ADAR: variants seen among roughly 807,000 people sequenced by gnomAD.
ADAR encodes adenosine deaminase RNA specific, also known as double-stranded RNA-specific adenosine deaminase.
A neutral mutation model predicts 113.2 loss-of-function variants in ADAR; 41 were observed. That is an observed-to-expected ratio of 0.36 (90% CI 0.28 to 0.47). ADAR has a LOEUF of 0.47. Ranked by LOEUF, ADAR falls within the 20% of genes least tolerant of loss-of-function variation. ADAR has a pLI of 1.00. For missense variants in ADAR, 1,242 were observed against 1,540.9 expected (o/e 0.81, Z 3.25); for synonymous variants, 605 against 572.6 (o/e 1.06, Z -0.81).
chr1:154,594,867 A>G (rs1697392246), intron 6 of ADAR, among the ~76,000 whole-genome samples: 1 of 151,258 alleles, frequency 6.6e-6, no homozygotes, highest in Non-Finnish European at 1.5e-5. Flanking sequence ...CGTATAAAAC[A>G]GAAGATATAC....
intron 1 of ADAR, among the ~76,000 whole-genome samples, chr1:154,621,148 A>G (rs1698781784): frequency 6.6e-6 from 1 of 152,224 alleles, no homozygotes; most frequent in Admixed American, 6.5e-5. Flanking sequence ...AGTAATATAA[A>G]CATCCTTAAA....
At chr1:154,587,614 T>C (rs1696852877) in intron 11 of ADAR, among the ~76,000 whole-genome samples, 1 of 152,060 alleles carries the variant, frequency 6.6e-6, no homozygotes, top group South Asian at 2.1e-4. Flanking sequence ...CTGAACGCAA[T>C]GGAGTGGATG....
At chr1:154,621,730 G>C (rs928382341) in intron 1 of ADAR, among the ~76,000 whole-genome samples, 4 of 152,168 alleles carry the variant, frequency 2.6e-5, no homozygotes, top group African/African-American at 9.7e-5. Flanking sequence ...GGGTGAGGGA[G>C]AGGCACAGTA....
chr1:154,588,203 T>C lies in ADAR; in HGVS notation c.2941A>G (p.Met981Val), dbSNP rs1284803985. ...LFDKSCSDRA[M>V]ESTESRHYPV... The stretch of plus-strand genomic sequence containing the variant: ...TAGTGGCGGGATTCTGTGCTTTCCA[T>C]AGCACGGTCGCTGCAGGACTTGTCA... Residue 981 changes from methionine to valine, a missense_variant, in exon 11 of 15, where the codon ATG (methionine) becomes GTG (valine). Met to Val is a conservative substitution (Grantham distance 21). Transcript: ENST00000368474. The C allele has an allele frequency of 2.5e-6, 4 of 1,613,852 alleles. No homozygotes were observed. Among genetic ancestry groups the C allele is most frequent in the African/African-American group, 1.3e-5 (1 of 74,908 alleles).
intron 1 of ADAR, among the ~76,000 whole-genome samples, chr1:154,618,882 G>A (rs1001173847): frequency 1.3e-5 from 2 of 152,212 alleles, no homozygotes; most frequent in Admixed American, 6.5e-5. Context: ...GTCCGAGGCA[G>A]GTGGATCACC....
At position 154,602,465 on chromosome 1, in the gene ADAR, C is replaced by T. The variant is rs200929596; in HGVS notation, c.177G>A (p.Lys59=). 2 of 1,613,838 alleles carry T rather than the reference C, an allele frequency of 1.2e-6. No individual in the cohort carries two copies. The highest frequency in any genetic ancestry group is 2.2e-5 in the East Asian group (1 of 44,882). ...GQLPEAPVIG[K]QTPSLPPSLP... is the part of the protein sequence containing the mutation. Reference sequence around the variant, plus strand: ...GGGAAGGTGGCAGTGACGGTGTCTGCTTTCCAATCACCGGTGCTTCTGGGA... The same window carrying T: ...GGGAAGGTGGCAGTGACGGTGTCTGTTTTCCAATCACCGGTGCTTCTGGGA... Residue 59 remains lysine (K), a synonymous_variant, in exon 2 of 15, where the codon AAG becomes AAA. Coordinates refer to ENST00000368474, the MANE Select transcript of ADAR (RefSeq NM_001111.5).
At position 154,585,270 on chromosome 1, in the gene ADAR, C is replaced by G; in HGVS notation, c.3390G>C (p.Leu1130=). The change falls in exon 14 of 15, where the codon CTG becomes CTC. Residue 1130 remains leucine (L), a synonymous_variant. Transcript: ENST00000368474. ...KTKETSVNWC[L]ADGYDLEILD... is the part of the protein sequence containing the mutation. ...GGATCTCCAGGTCATAGCCATCAGCCAGACACCAGTTGACGCTTGTCTCCT... is the reference window on the plus strand; with the variant it reads ...GGATCTCCAGGTCATAGCCATCAGCGAGACACCAGTTGACGCTTGTCTCCT... The G allele has an allele frequency of 6.2e-7, 1 of 1,614,232 alleles. No individual in the cohort carries two copies. The highest frequency in any genetic ancestry group is 2.2e-5 in the East Asian group (1 of 44,886).
rs1360441418 is a variant in ADAR, at chr1:154,583,520, A to G, written c.*1286T>C. On this transcript the variant is annotated 3_prime_UTR_variant, in exon 15 of 15. Coordinates refer to ENST00000368474, the MANE Select transcript of ADAR (RefSeq NM_001111.5). ...TTCTACCTCACAGAGTTTGAAGACA[A>G]CCTGCCCTTTCACCCACAACTACTG... is the stretch of plus-strand genomic sequence containing the variant. 1 of 152,252 alleles carries G rather than the reference A, an allele frequency of 6.6e-6. No homozygotes were observed. Among genetic ancestry groups the G allele is most frequent in the Non-Finnish European group, 1.5e-5 (1 of 68,064 alleles). 9.4% of individuals were successfully genotyped at this position (152,252 alleles called of 1,614,324 possible).
intron 1 of ADAR, among the ~76,000 whole-genome samples, chr1:154,606,525 A>G (rs1698199567): frequency 6.6e-6 from 1 of 152,152 alleles, no homozygotes; most frequent in Admixed American, 6.5e-5. Flanking sequence ...CAGAGAAAAG[A>G]AAGGAGATGT....
At chr1:154,596,736 T>G (rs1697522211) in intron 6 of ADAR, 69 bp downstream of exon 6, 1 of 1,580,344 alleles carries the variant, frequency 6.3e-7, no homozygotes, top group Non-Finnish European at 8.7e-7. Flanking sequence ...AAGCACACCC[T>G]TGTTTTCCCT....
intron 10 of ADAR, 43 bp from the exon 11 acceptor site, chr1:154,588,301 C>A (rs763252469): frequency 6.2e-7 from 1 of 1,613,986 alleles, no homozygotes; most frequent in Non-Finnish European, 8.5e-7. Flanking sequence ...TGTGGGAAAT[C>A]TGCAATTTCG....
Position 154,590,425 on chromosome 1 carries a change from C to CA in ADAR, c.2271-17dup, listed in dbSNP as rs746270339. The CA allele has an allele frequency of 1.2e-6, 2 of 1,612,940 alleles. No individual in the cohort carries two copies. The highest frequency in any genetic ancestry group is 2.2e-5 in the South Asian group (2 of 91,034). ...GTAAACGAACCTTTGGGATGAGAAA[C>CA]AGAGAATGAAGACAAGTGCCAGACC... On this transcript the variant is annotated splice_polypyrimidine_tract_variant and intron_variant, in intron 6 of 14. Transcript: ENST00000368474.
At chr1:154,597,728 A>C (rs748739835) in intron 4 of ADAR, 100 bp downstream of exon 4, 14 of 1,509,398 alleles carry the variant, frequency 9.3e-6, no homozygotes, top group Non-Finnish European at 1.3e-5. Flanking sequence ...GAAACAGGAG[A>C]AATTGGTCAA....
At chr1:154,618,812 A>G (rs144366137) in intron 1 of ADAR, among the ~76,000 whole-genome samples, 4 of 152,348 alleles carry the variant, frequency 2.6e-5, no homozygotes, top group Non-Finnish European at 5.9e-5. Flanking sequence ...AAATTAAATA[A>G]AAACACCAAG....
intron 9 of ADAR, 91 bp from the exon 10 acceptor site, chr1:154,588,764 A>C: frequency 1.3e-6 from 2 of 1,555,266 alleles, no homozygotes; most frequent in Non-Finnish European, 1.8e-6. Context: ...GAAAGTAAGG[A>C]AAAGTCTCAA....
At chr1:154,627,487 G>T (rs1050703003) in intron 1 of ADAR, among the ~76,000 whole-genome samples, 1 of 152,240 alleles carries the variant, frequency 6.6e-6, no homozygotes, top group Non-Finnish European at 1.5e-5. Flanking sequence ...AGGCGGGGGA[G>T]CCGGCGAGAG....
Position 154,588,535 on chromosome 1 carries a change from C to T in ADAR, c.2885+16G>A, listed in dbSNP as rs967132792. Reference sequence around the variant, plus strand: ...CTGGCAGGGCCCACCCTGGCAGCAACAGGAACTGTACAGACCTGATATACA... The same window carrying T: ...CTGGCAGGGCCCACCCTGGCAGCAATAGGAACTGTACAGACCTGATATACA... On this transcript the variant is annotated intron_variant, in intron 10 of 14. Coordinates refer to ENST00000368474, the MANE Select transcript of ADAR (RefSeq NM_001111.5). 1 of 1,613,466 alleles carries T rather than the reference C, an allele frequency of 6.2e-7. No homozygotes were observed. Among genetic ancestry groups the T allele is most frequent in the African/African-American group, 1.3e-5 (1 of 75,038 alleles).
chr1:154,589,708 C>T (rs1159719891), intron 8 of ADAR, 49 bp downstream of exon 8: 1 of 1,612,464 alleles, frequency 6.2e-7, no homozygotes, highest in Non-Finnish European at 8.5e-7. Context: ...ATGAGAGGCA[C>T]CCGCTTTCAG....
chr1:154,602,585 G>A lies in ADAR; in HGVS notation c.57C>T (p.Gly19=), dbSNP rs137983302. 126 of 1,614,172 alleles carry A rather than the reference G, an allele frequency of 7.8e-5. 1 individual carries two copies. The highest frequency in any genetic ancestry group is 2.2e-4 in the East Asian group (10 of 44,890). ...LSGYYTHPFQ[G]YEHRQLRYQQ... is the part of the protein sequence containing the mutation. ...GGTACCTGAGCTGTCTGTGCTCATA[G>A]CCTTGAAATGGATGGGTGTAGTATC... The change falls in exon 2 of 15, where the codon GGC becomes GGT. Residue 19 remains glycine, a synonymous_variant. Transcript: ENST00000368474.
Sources: allele counts gnomAD v4.1 joint callset (sites outside exome capture counted in the v4.1 genomes callset), GRCh38; gene constraint gnomAD v4.1.1; transcripts MANE v1.5; gene names NCBI Gene and HGNC (gene_info 2026-07-23, HGNC 2026-07-21).